Variants in PRSS56 observed in about 807,000 individuals in gnomAD.
PRSS56 encodes the protein protease, serine 56.
In PRSS56, 55 loss-of-function variants were observed where a neutral mutation model predicts 66.8. The ratio of observed to expected loss-of-function variants is 0.82; its 90% confidence interval spans 0.66 to 1.03. The LOEUF is 1.03. PRSS56 is among the 50% of genes least tolerant of loss of function. The probability of loss-of-function intolerance (pLI) is 0.00; values close to 1 mark genes in which losing one functional copy is unlikely to be tolerated. For synonymous variants in PRSS56, 409 were observed against 387.9 expected (o/e 1.05, Z -0.64); for missense variants, 869 against 837.2 (o/e 1.04, Z -0.47).
In PRSS56 at chr2:232,522,052, C is replaced by T. The variant is rs976760883; in HGVS notation, c.338C>T (p.Pro113Leu). Residue 113 changes from proline (P) to leucine (L), a missense_variant, in exon 4 of 13, where the codon CCC (proline) becomes CTC (leucine). Physicochemically the swap from Pro to Leu is moderately conservative, Grantham distance 98. Coordinates refer to ENST00000617714, the MANE Select transcript of PRSS56 (RefSeq NM_001195129.2). ...GRIVGGSAAP[P>L]GAWPWLVRLQ... ...ATCGTGGGGGGCAGCGCGGCGCCGC[C>T]CGGGGCCTGGCCCTGGCTGGTGAGG... 6 of 1,499,060 alleles carry T rather than the reference C, an allele frequency of 4.0e-6. No homozygotes were observed. Among genetic ancestry groups the T allele is most frequent in the Admixed American group, 2.2e-5 (1 of 45,276 alleles). The allele number at this position is 1,499,060 out of a possible 1,614,324, so 92.9% of individuals were successfully genotyped here. A position where few individuals can be genotyped will look rare whatever the true frequency, so the allele number is the denominator to read the frequency against.
In PRSS56 at chr2:232,522,716, CT is replaced by C; in HGVS notation, c.563del (p.Phe188SerfsTer14). The C allele has an allele frequency of 6.5e-7, 1 of 1,534,422 alleles. No homozygotes were observed. The highest frequency in any genetic ancestry group is 8.7e-7 in the Non-Finnish European group (1 of 1,145,926). On this transcript the variant is annotated frameshift_variant, in exon 6 of 13. Transcript: ENST00000617714. LOFTEE classifies it high-confidence loss of function. Reference protein sequence around the residue: ...LPHPKFDPRTFHNDLALVQLW... With the variant: ...LPHPKFDPRTXHNDLALVQLW... ...CCCCTCCTCAGTTTGACCCGCGGAC[CT>C]TCCACAACGACCTGGCCCTGGTGCA...
At chr2:232,523,367 G>T (rs1001944020) in intron 7 of PRSS56, 49 bp from the exon 8 acceptor site, 4 of 1,427,920 alleles carry the variant, frequency 2.8e-6, no homozygotes, top group Non-Finnish European at 3.7e-6. Flanking sequence ...CGTAAGGCAG[G>T]CGTCATAGGG....
intron 7 of PRSS56, 45 bp downstream of exon 7, chr2:232,523,247 G>T: frequency 2.1e-6 from 3 of 1,425,102 alleles, no homozygotes; most frequent in Non-Finnish European, 2.7e-6. Context: ...AGCCTTCCCA[G>T]GGCCACTACG....
Position 232,525,292 on chromosome 2 carries a change from A to T in PRSS56, c.1598A>T (p.His533Leu), listed in dbSNP as rs764778946. ...AWVRAGLGGR[H>L]VAFSGLVGLE... ...GTGCGGGCAGGCTTGGGGGGCCGGCATGTGGCCTTCAGCGGCCTGGTGGGC... is the reference window on the plus strand; with the variant it reads ...GTGCGGGCAGGCTTGGGGGGCCGGCTTGTGGCCTTCAGCGGCCTGGTGGGC... Residue 533 changes from histidine (H) to leucine (L), a missense_variant, in exon 13 of 13, where the codon CAT (histidine) becomes CTT (leucine). Transcript: ENST00000617714. 100 of 1,523,262 alleles carry T rather than the reference A, an allele frequency of 6.6e-5. No homozygotes were observed. The East Asian group carries it at 2.4e-3, about 37-fold the overall frequency. 94.4% of individuals were successfully genotyped at this position (1,523,262 alleles called of 1,614,324 possible). A position where few individuals can be genotyped will look rare whatever the true frequency, so the allele number is the denominator to read the frequency against.
rs768627594 is a variant in PRSS56, at chr2:232,523,602, C to G, written c.1012+24C>G. 148 of 1,507,828 alleles carry G rather than the reference C, an allele frequency of 9.8e-5. 1 individual carries two copies. The highest frequency in any genetic ancestry group is 5.8e-4 in the South Asian group (46 of 78,814). 93.4% of individuals were successfully genotyped at this position (1,507,828 alleles called of 1,614,324 possible). A position where few individuals can be genotyped will look rare whatever the true frequency, so the allele number is the denominator to read the frequency against. On this transcript the variant is annotated intron_variant, in intron 8 of 12. Transcript: ENST00000617714. ...CGGTGAGCGCCCTCTTTCCAATGCC[C>G]CGTCCCCAGTGCCCCAACGGACAAC...
intron 6 of PRSS56, 49 bp downstream of exon 6, chr2:232,522,910 G>C: frequency 6.9e-7 from 1 of 1,448,444 alleles, no homozygotes; most frequent in African/African-American, 1.4e-5. Flanking sequence ...CTGGGGGTCC[G>C]AGGTAATAGA....
rs1331795780 is a variant in PRSS56, at chr2:232,524,325, C to T, written c.1370C>T (p.Thr457Ile). 1 of 1,535,776 alleles carries T rather than the reference C, an allele frequency of 6.5e-7. No individual in the cohort carries two copies. The highest frequency in any genetic ancestry group is 8.7e-7 in the Non-Finnish European group (1 of 1,146,834). The change falls in exon 11 of 13, where the codon ACT becomes ATT. Residue 457 changes from threonine (T) to isoleucine (I), a missense_variant. Coordinates refer to ENST00000617714, the MANE Select transcript of PRSS56 (RefSeq NM_001195129.2). ...RLHSGSRAAG[T>I]RFPKRRPEPR... ...TCCCCAGGATCGCGGGCTGCAGGCACTCGGTTCCCGAAGCGGAGGCCGGAG... is the reference window on the plus strand; with the variant it reads ...TCCCCAGGATCGCGGGCTGCAGGCATTCGGTTCCCGAAGCGGAGGCCGGAG...
In PRSS56 at chr2:232,522,501, C is replaced by T. The variant is rs1183386740; in HGVS notation, c.447-14C>T. On this transcript the variant is annotated splice_polypyrimidine_tract_variant and intron_variant, in intron 4 of 12. Coordinates refer to ENST00000617714, the MANE Select transcript of PRSS56 (RefSeq NM_001195129.2). ...CCTGTCCTTCCTGCGTCTCAGCTGCCGCTCGACCCGCAGCGCCCCGAATGA... is the reference window on the plus strand; with the variant it reads ...CCTGTCCTTCCTGCGTCTCAGCTGCTGCTCGACCCGCAGCGCCCCGAATGA... 4 of 1,525,076 alleles carry T rather than the reference C, an allele frequency of 2.6e-6. No homozygotes were observed. The African/African-American group carries it at 4.1e-5, about 16-fold the overall frequency. 94.5% of individuals were successfully genotyped at this position (1,525,076 alleles called of 1,614,324 possible).
At chr2:232,523,244 C>T in intron 7 of PRSS56, 42 bp downstream of exon 7, 8 of 1,426,278 alleles carry the variant, frequency 5.6e-6, no homozygotes, top group Non-Finnish European at 6.4e-6. Flanking sequence ...CTGAGCCTTC[C>T]CAGGGCCACT....
chr2:232,523,540 TG>T lies in PRSS56; in HGVS notation c.976del (p.Ala326GlnfsTer11). 2 of 1,532,512 alleles carry T rather than the reference TG, an allele frequency of 1.3e-6. No homozygotes were observed. Among genetic ancestry groups the T allele is most frequent in the Non-Finnish European group, 1.7e-6 (2 of 1,145,628 alleles). 94.9% of individuals were successfully genotyped at this position (1,532,512 alleles called of 1,614,324 possible). On this transcript the variant is annotated frameshift_variant, in exon 8 of 13. Transcript: ENST00000617714. LOFTEE classifies it high-confidence loss of function. Reference protein sequence around the residue: ...EPGKPGVYTRVAVFKDWLQEQ... With the variant: ...EPGKPGVYTRXAVFKDWLQEQ... Reference sequence around the variant, plus strand: ...GGGAAGCCCGGGGTCTACACCCGCGTGGCAGTGTTCAAGGACTGGCTCCAGG... The same window carrying T: ...GGGAAGCCCGGGGTCTACACCCGCGTGCAGTGTTCAAGGACTGGCTCCAGG...
chr2:232,522,030 G>T lies in PRSS56; in HGVS notation c.316G>T (p.Val106Leu). 1 of 1,465,050 alleles carries T rather than the reference G, an allele frequency of 6.8e-7. No individual in the cohort carries two copies. The highest frequency in any genetic ancestry group is 9.0e-7 in the Non-Finnish European group (1 of 1,115,324). 90.8% of individuals were successfully genotyped at this position (1,465,050 alleles called of 1,614,324 possible). ...TGTGACGCGGGCCCACGGCCGCATC[G>T]TGGGGGGCAGCGCGGCGCCGCCCGG... ...ANVTRAHGRI[V>L]GGSAAPPGAW... The change falls in exon 4 of 13, where the codon GTG (valine) becomes TTG (leucine). Residue 106 changes from valine to leucine, a missense_variant. This residue lies in a region of PRSS56 where 315 missense variants were observed against 313.7 expected (regional missense o/e 1.00). Transcript: ENST00000617714.
At position 232,522,168 on chromosome 2, in the gene PRSS56, G is replaced by A; in HGVS notation, c.446+8G>A. 6.7e-7 allele frequency: 1 copy of A among 1,488,550 alleles called. No homozygotes were observed. The highest frequency in any genetic ancestry group is 1.3e-5 in the South Asian group (1 of 79,188). 92.2% of individuals were successfully genotyped at this position (1,488,550 alleles called of 1,614,324 possible). On this transcript the variant is annotated splice_region_variant and intron_variant, in intron 4 of 12. Coordinates refer to ENST00000617714, the MANE Select transcript of PRSS56 (RefSeq NM_001195129.2). ...AGCGCACTGCTTTGTAGGGTAAGTAGGACCCCCAGGCCTTGCCCAGCTGGG... is the reference window on the plus strand; with the variant it reads ...AGCGCACTGCTTTGTAGGGTAAGTAAGACCCCCAGGCCTTGCCCAGCTGGG...
intron 7 of PRSS56, 58 bp from the exon 8 acceptor site, chr2:232,523,358 G>C: frequency 7.0e-7 from 1 of 1,426,594 alleles, no homozygotes. Context: ...CCTGCCAGGC[G>C]TAAGGCAGGC....
Position 232,523,773 on chromosome 2 carries a change from C to T in PRSS56, c.1014C>T (p.Ala338=). 1 of 1,534,046 alleles carries T rather than the reference C, an allele frequency of 6.5e-7. No individual in the cohort carries two copies. ...TGACCCCTGTCCCGCCCGCAGCAGC[C>T]TCCTCCAGCCGCGAGCCCAGCTGCA... is the stretch of plus-strand genomic sequence containing the variant. ...FKDWLQEQMS[A]SSSREPSCRE... The change falls in exon 9 of 13, where the codon GCC becomes GCT. Residue 338 remains alanine (A), a splice_region_variant and synonymous_variant. Transcript: ENST00000617714.
chr2:232,524,340 G>A lies in PRSS56; in HGVS notation c.1385G>A (p.Arg462Gln). ...SRAAGTRFPK[R>Q]RPEPRGEANG... ...GCTGCAGGCACTCGGTTCCCGAAGC[G>A]GAGGCCGGAGCCGCGCGGAGAAGCC... Residue 462 changes from arginine to glutamine, a missense_variant, in exon 11 of 13, where the codon CGG becomes CAG. Physicochemically the swap from Arg to Gln is conservative, Grantham distance 43 (BLOSUM62 1). Around this residue, in one of 3 missense-constraint regions of PRSS56, gnomAD observed 551 missense variants for 506.9 expected, o/e 1.09. Coordinates refer to ENST00000617714, the MANE Select transcript of PRSS56 (RefSeq NM_001195129.2). The A allele has an allele frequency of 1.3e-6, 2 of 1,535,716 alleles. No homozygotes were observed. Among genetic ancestry groups the A allele is most frequent in the Non-Finnish European group, 1.7e-6 (2 of 1,146,810 alleles).
At chr2:232,525,101 G>A (rs1691393949) in intron 12 of PRSS56, 115 bp from the exon 13 acceptor site, 3 of 1,080,726 alleles carry the variant, frequency 2.8e-6, no homozygotes, top group African/African-American at 3.2e-5. Context: ...GAAATGAGCA[G>A]GGTTTCCAGG....
Position 232,522,090 on chromosome 2 carries a change from G to A in PRSS56, c.376G>A (p.Gly126Arg). 1 of 1,517,300 alleles carries A rather than the reference G, an allele frequency of 6.6e-7. No individual in the cohort carries two copies. Among genetic ancestry groups the A allele is most frequent in the South Asian group, 1.2e-5 (1 of 82,246 alleles). 94.0% of individuals were successfully genotyped at this position (1,517,300 alleles called of 1,614,324 possible). Residue 126 changes from glycine (G) to arginine (R), a missense_variant, in exon 4 of 13, where the codon GGG (glycine) becomes AGG (arginine). Gly to Arg is a moderately radical substitution (Grantham distance 125). Around this residue, in one of 3 missense-constraint regions of PRSS56, gnomAD observed 315 missense variants for 313.7 expected, o/e 1.00. Transcript: ENST00000617714. The stretch of plus-strand genomic sequence containing the variant: ...CTGGCTGGTGAGGCTGCAGCTCGGC[G>A]GGCAGCCTCTGTGCGGCGGCGTCCT... ...WPWLVRLQLG[G>R]QPLCGGVLVA... is the part of the protein sequence containing the mutation.
At chr2:232,524,662 G>A (rs963728618) in intron 11 of PRSS56, 76 bp from the exon 12 acceptor site, 1 of 1,039,890 alleles carries the variant, frequency 9.6e-7, no homozygotes, top group African/African-American at 1.6e-5. Context: ...GCCATCCTGA[G>A]GTGCTGGTGG....
At chr2:232,522,994 G>T in intron 6 of PRSS56, 66 bp from the exon 7 acceptor site, 1 of 1,500,142 alleles carries the variant, frequency 6.7e-7, no homozygotes, top group Admixed American at 2.2e-5. Flanking sequence ...GGGGGGTGGT[G>T]GGAAGGGGAC....
Sources: gnomAD v4.1 joint callset for allele counts on GRCh38, gnomAD v4.1.1 for gene constraint, gnomAD v4.1.1 regional missense constraint, MANE v1.5 for transcripts, NCBI Gene and HGNC (gene_info 2026-07-23, HGNC 2026-07-21) for gene names.